The following ULK4 variants were observed in gnomAD, a reference collection of about 807,000 sequenced individuals.
ULK4 encodes the protein unc-51 like kinase 4.
Under a neutral mutation model 160.6 loss-of-function variants are expected in ULK4, and 133 were observed. The observed-to-expected ratio is 0.83, with a 90% CI of 0.72 to 0.96. The LOEUF is 0.96. Ranked by LOEUF, ULK4 falls within the 40% of genes least tolerant of loss-of-function variation. ULK4 has a pLI of 0.00. For missense variants in ULK4, 1,580 were observed against 1,499.5 expected (o/e 1.05, Z -0.89); for synonymous variants, 534 against 539.8 (o/e 0.99, Z 0.15).
chr3:41,313,798 T>G (rs1008266848), intron 35 of ULK4, among the ~76,000 whole-genome samples: 1 of 152,190 alleles, frequency 6.6e-6, no homozygotes, highest in Non-Finnish European at 1.5e-5. Context: ...TTAATTTCCC[T>G]CATTTTGAAT....
At position 41,506,767 on chromosome 3, in the gene ULK4, A is replaced by AAAAAAAAAAAATATATATATATAAAT; in HGVS notation, c.3227-43515_3227-43514insATTTATATATATATATTTTTTTTTTT. 3.0e-3 allele frequency among the ~76,000 whole-genome samples: 171 copies of AAAAAAAAAAAATATATATATATAAAT among 56,788 alleles called. 17 individuals carry two copies. The highest frequency in any genetic ancestry group is 0.01 in the Middle Eastern group (1 of 98). The allele number at this position is 56,788 out of a possible 152,430, so 37.3% of individuals were successfully genotyped here. On this transcript the variant is annotated intron_variant, in intron 32 of 36. Transcript: ENST00000301831. ...AGCAATACACTGGAGTGTGATTTAA[A>AAAAAAAAAAAATATATATATATAAAT]ATATATATATATATATATATATATA...
rs1421425633 is a variant in ULK4 at position 41,700,455 on chromosome 3, C to A, written c.2781+4602G>T. Among the ~76,000 whole-genome samples, 4 of 152,210 alleles carry A rather than the reference C, an allele frequency of 2.6e-5. No homozygotes were observed. In the East Asian group the frequency reaches 7.7e-4, roughly 29 times the overall value. On this transcript the variant is annotated intron_variant, in intron 27 of 36. Coordinates refer to ENST00000301831, the MANE Select transcript of ULK4 (RefSeq NM_017886.4). ...ACCAACCCCTCCACACACATTCACA[C>A]TCCTGACAACTGAGGAGGCTGCCCT...
chr3:41,442,703 C>T (rs190850617), intron 34 of ULK4, among the ~76,000 whole-genome samples: 4 of 152,194 alleles, frequency 2.6e-5, no homozygotes, highest in African/African-American at 9.6e-5. Context: ...AAGTGATCCT[C>T]CCACCTCAGT....
chr3:41,346,459 G>T (rs2080801643), intron 35 of ULK4, among the ~76,000 whole-genome samples: 1 of 152,086 alleles, frequency 6.6e-6, no homozygotes, highest in Admixed American at 6.5e-5. Flanking sequence ...TCCCTTCTCT[G>T]CAGAAAGTGA....
intron 32 of ULK4, among the ~76,000 whole-genome samples, chr3:41,489,785 C>A (rs935997187): frequency 2.0e-5 from 3 of 152,126 alleles, no homozygotes; most frequent in Non-Finnish European, 4.4e-5. Flanking sequence ...GATGTCACCT[C>A]CTACCAGTCT....
At chr3:41,917,935 C>T (rs976296239) in intron 7 of ULK4, among the ~76,000 whole-genome samples, 3 of 151,624 alleles carry the variant, frequency 2.0e-5, no homozygotes, top group African/African-American at 4.9e-5. Context: ...TGCAGTGAGC[C>T]GAGAACACGC....
intron 32 of ULK4, among the ~76,000 whole-genome samples, chr3:41,565,190 T>C (rs1312848817): frequency 1.3e-5 from 2 of 152,234 alleles, no homozygotes; most frequent in African/African-American, 4.8e-5. Context: ...TGCCTAATGA[T>C]GTGTATCTCA....
chr3:41,517,830 T>C (rs569873436), intron 32 of ULK4, among the ~76,000 whole-genome samples: 4 of 152,134 alleles, frequency 2.6e-5, no homozygotes, highest in Non-Finnish European at 5.9e-5. Flanking sequence ...TTGTCATGTG[T>C]ACAGAGAGGG....
chr3:41,505,843 C>A (rs540263274), intron 32 of ULK4, among the ~76,000 whole-genome samples: 17 of 152,084 alleles, frequency 1.1e-4, no homozygotes, highest in Non-Finnish European at 2.4e-4. Context: ...ACCTCCAATA[C>A]AACATTTAAT....
intron 2 of ULK4, among the ~76,000 whole-genome samples, chr3:41,941,478 C>T (rs371739352): frequency 3.3e-5 from 5 of 151,530 alleles, no homozygotes; most frequent in African/African-American, 7.3e-5. Context: ...GGGCTCATAC[C>T]GTAGCACAAT....
chr3:41,843,832 G>A (rs945487444), intron 17 of ULK4, among the ~76,000 whole-genome samples: 8 of 152,076 alleles, frequency 5.3e-5, no homozygotes, highest in Non-Finnish European at 1.0e-4. Context: ...TGGTAGAGCC[G>A]AGTGGTCTGT....
At chr3:41,307,051 T>C (rs767425643) in intron 35 of ULK4, among the ~76,000 whole-genome samples, 31 of 150,176 alleles carry the variant, frequency 2.1e-4, no homozygotes, top group Admixed American at 3.3e-4. Flanking sequence ...CCAGAGACCT[T>C]TGTTCACTTG....
intron 35 of ULK4, among the ~76,000 whole-genome samples, chr3:41,282,855 G>A (rs1201828989): frequency 2.0e-5 from 3 of 152,178 alleles, no homozygotes; most frequent in African/African-American, 4.8e-5. Flanking sequence ...TCATCAGAGT[G>A]AACAGGCAAC....
intron 34 of ULK4, among the ~76,000 whole-genome samples, chr3:41,409,728 C>T (rs1447212127): frequency 6.6e-6 from 1 of 152,112 alleles, no homozygotes; most frequent in Non-Finnish European, 1.5e-5. Context: ...GCAGGTGGAT[C>T]ACCTGAGGTC....
At position 41,335,861 on chromosome 3, in the gene ULK4, C is replaced by T. The variant is rs545645556; in HGVS notation, c.3678+62218G>A. Among the ~76,000 whole-genome samples the T allele has an allele frequency of 3.3e-4, 50 of 152,214 alleles. No individual in the cohort carries two copies. In the South Asian group the frequency reaches 6.2e-3, roughly 19 times the overall value. On this transcript the variant is annotated intron_variant, in intron 35 of 36. Coordinates refer to ENST00000301831, the MANE Select transcript of ULK4 (RefSeq NM_017886.4). ...GAATATGTAAAGGTGGAAAGGAACA[C>T]GTCAACATCAGGTAACCCAAATAAA...
chr3:41,786,605 A>G (rs1214353843), intron 21 of ULK4, among the ~76,000 whole-genome samples: 6 of 151,856 alleles, frequency 4.0e-5, no homozygotes, highest in African/African-American at 1.5e-4. Flanking sequence ...CTCCAAAAAA[A>G]AAAAAAAAAA....
At chr3:41,413,117 A>G (rs1188724709) in intron 34 of ULK4, among the ~76,000 whole-genome samples, 5 of 152,166 alleles carry the variant, frequency 3.3e-5, no homozygotes, top group African/African-American at 1.2e-4. Flanking sequence ...AAGGCAGCAG[A>G]CAAGAGAAGA....
intron 22 of ULK4, among the ~76,000 whole-genome samples, chr3:41,749,585 T>G (rs1466300974): frequency 6.6e-6 from 1 of 152,168 alleles, no homozygotes; most frequent in African/African-American, 2.4e-5. Flanking sequence ...AGCTATGATG[T>G]TCAGTAGGTT....
intron 34 of ULK4, among the ~76,000 whole-genome samples, chr3:41,434,760 A>G (rs1217132458): frequency 2.0e-5 from 3 of 152,224 alleles, no homozygotes; most frequent in Admixed American, 2.0e-4. Context: ...GAAAAGTCCC[A>G]GCATATAAAT....
Sources: gnomAD v4.1 joint callset for allele counts (sites outside exome capture counted in the v4.1 genomes callset) on GRCh38, gnomAD v4.1.1 for gene constraint, MANE v1.5 for transcripts, NCBI Gene and HGNC (gene_info 2026-07-23, HGNC 2026-07-21) for gene names.